The following ZNF800 variants were observed in gnomAD, a reference collection of about 807,000 sequenced individuals.
ZNF800 encodes the protein zinc finger protein 800.
ZNF800 carries 13 observed loss-of-function variants against 59.5 expected under a neutral mutation model. The observed-to-expected ratio is 0.22, with a 90% CI of 0.14 to 0.35. The LOEUF is 0.35. ZNF800 is among the 10% of genes least tolerant of loss of function. ZNF800 has a pLI of 1.00. For missense variants in ZNF800, 621 were observed against 783.7 expected (o/e 0.79, Z 2.48); for synonymous variants, 266 against 265.7 (o/e 1.00, Z -0.01).
chr7:127,353,571 T>A (rs964681698), intron 1 of ZNF800, among the ~76,000 whole-genome samples: 2 of 152,214 alleles, frequency 1.3e-5, no homozygotes, highest in African/African-American at 4.8e-5. Flanking sequence ...CTAATAGTAT[T>A]TTCAGACAGA....
rs955163136 is a variant in ZNF800 at position 127,392,110 on chromosome 7, G to A, written c.-109C>T. On this transcript the variant is annotated 5_prime_UTR_variant, in exon 1 of 6. Coordinates refer to ENST00000265827, the MANE Select transcript of ZNF800 (RefSeq NM_176814.5). Reference sequence around the variant, plus strand: ...CGGGCGGAAGGAAGGAAGGCAGGCCGGGCGGCCGCGGGGACAGCCTGGCGT... The same window carrying A: ...CGGGCGGAAGGAAGGAAGGCAGGCCAGGCGGCCGCGGGGACAGCCTGGCGT... 8.6e-5 allele frequency: 34 copies of A among 393,066 alleles called. No individual in the cohort carries two copies. The highest frequency in any genetic ancestry group is 5.8e-4 in the African/African-American group (28 of 48,338). The allele number at this position is 393,066 out of a possible 1,614,324, so 24.3% of individuals were successfully genotyped here. A position where few individuals can be genotyped will look rare whatever the true frequency, so the allele number is the denominator to read the frequency against.
chr7:127,372,884 C>T (rs1235981727), intron 5 of ZNF800: 3 of 985,184 alleles, frequency 3.0e-6, no homozygotes, highest in Non-Finnish European at 3.6e-6. Context: ...ATTACAGTGC[C>T]TCAAAAGATT....
At chr7:127,379,844 A>G (rs868527005) in intron 3 of ZNF800, among the ~76,000 whole-genome samples, 1 of 13,934 alleles carries the variant, frequency 7.2e-5, no homozygotes, top group Admixed American at 8.1e-4. Context: ...CCACCCCCCC[A>G]CCCCCCCACC....
rs1396974769 is a variant in ZNF800, at chr7:127,348,404, G to GA, written n.225-362dup. 7.1e-3 allele frequency among the ~76,000 whole-genome samples: 382 copies of GA among 53,618 alleles called. 3 individuals are homozygous for GA. The highest frequency in any genetic ancestry group is 0.038 in the Middle Eastern group (3 of 78). The allele number at this position is 53,618 out of a possible 152,430, so 35.2% of individuals were successfully genotyped here. A position where few individuals can be genotyped will look rare whatever the true frequency, so the allele number is the denominator to read the frequency against. On this transcript the variant is annotated intron_variant and non_coding_transcript_variant, in intron 1 of 1. Transcript: ENST00000485577. Reference sequence around the variant, plus strand: ...GGTGTTCAGTGCAGTATCTATAATAGAAAAAAAAAATGCCAGAAAAAAATG... The same window carrying GA: ...GGTGTTCAGTGCAGTATCTATAATAGAAAAAAAAAAATGCCAGAAAAAAATG...
intron 5 of ZNF800, chr7:127,372,797 A>G: frequency 1.0e-6 from 1 of 985,324 alleles, no homozygotes; most frequent in South Asian, 4.7e-5. Flanking sequence ...AATGCTAATC[A>G]TTTTTAATTC....
Position 127,391,582 on chromosome 7 carries a change from C to T in ZNF800, c.-25G>A, listed in dbSNP as rs200317608. 5 of 1,611,824 alleles carry T rather than the reference C, an allele frequency of 3.1e-6. No homozygotes were observed. The highest frequency in any genetic ancestry group is 3.4e-6 in the Non-Finnish European group (4 of 1,177,896). ...TTTTCAGTGGACTCGACCTACTTTG[C>T]TTTCACTGTAAGAAGCTCTTCATTG... On this transcript the variant is annotated 5_prime_UTR_variant, in exon 2 of 6. Transcript: ENST00000265827.
chr7:127,381,439 AATAT>A (rs35499163), intron 3 of ZNF800, among the ~76,000 whole-genome samples: 12 of 151,294 alleles, frequency 7.9e-5, no homozygotes, highest in African/African-American at 2.2e-4. Context: ...GGGCTGGTTA[AATAT>A]ATATATATGT....
chr7:127,387,854 G>A (rs928142180), intron 2 of ZNF800, among the ~76,000 whole-genome samples: 1 of 151,356 alleles, frequency 6.6e-6, no homozygotes, highest in Non-Finnish European at 1.5e-5. Context: ...CAGCAAAACT[G>A]ACTCAAAATA....
At chr7:127,386,033 G>C (rs377471165) in intron 3 of ZNF800, 27 bp downstream of exon 3, 25 of 1,541,772 alleles carry the variant, frequency 1.6e-5, no homozygotes, top group Non-Finnish European at 2.1e-5. Flanking sequence ...TGTGAAGATT[G>C]AAAAATATAT....
chr7:127,361,549 CT>C (rs1800393626), intron 1 of ZNF800: 1 of 152,040 alleles, frequency 6.6e-6, no homozygotes, highest in African/African-American at 2.4e-5. Context: ...CCACTATGTA[CT>C]TCATCCTGAG....
downstream of ZNF800, among the ~76,000 whole-genome samples, chr7:127,366,851 G>A (rs945951072): frequency 3.3e-5 from 5 of 152,028 alleles, no homozygotes; most frequent in Non-Finnish European, 7.4e-5. Flanking sequence ...AACCTATGAA[G>A]GGGACTGACA....
intron 2 of ZNF800, among the ~76,000 whole-genome samples, chr7:127,388,144 T>C (rs1005528625): frequency 3.3e-5 from 5 of 152,134 alleles, no homozygotes; most frequent in East Asian, 1.9e-4. Context: ...TAGGGTTGTA[T>C]AGGGGTTAAA....
chr7:127,358,334 T>C (rs1800314697), intron 1 of ZNF800, among the ~76,000 whole-genome samples: 1 of 151,936 alleles, frequency 6.6e-6, no homozygotes, highest in Admixed American at 6.6e-5. Flanking sequence ...TTATTTCACC[T>C]GTATCCTTTT....
At position 127,377,439 on chromosome 7, in the gene ZNF800, C is replaced by T; in HGVS notation, c.158-110G>A. 1.2e-6 allele frequency: 1 copy of T among 827,024 alleles called. No individual in the cohort carries two copies. The highest frequency in any genetic ancestry group is 1.8e-6 in the Non-Finnish European group (1 of 552,150). 51.2% of individuals were successfully genotyped at this position (827,024 alleles called of 1,614,324 possible). On this transcript the variant is annotated intron_variant, in intron 3 of 5. Coordinates refer to ENST00000265827, the MANE Select transcript of ZNF800 (RefSeq NM_176814.5). This position sits in a 1 kb window ranked among gnomAD's most constrained non-coding sequence, Gnocchi z 4.7. ...CAAAAGTGCAGTTACTCTTTGAAAA[C>T]AAAATATAGGCATTGCCAATTTCCA...
chr7:127,348,092 T>G (rs1587417830), intron 1 of ZNF800: 3 of 151,658 alleles, frequency 2.0e-5, no homozygotes, highest in Admixed American at 2.0e-4. Flanking sequence ...AAGACAAAGA[T>G]ATGCGGGTTA....
At chr7:127,387,187 AG>A (rs1460410779) in intron 2 of ZNF800, among the ~76,000 whole-genome samples, 1 of 152,232 alleles carries the variant, frequency 6.6e-6, no homozygotes, top group Non-Finnish European at 1.5e-5. Flanking sequence ...TAAAGACAAC[AG>A]AAAAGGAAAA....
In ZNF800 at chr7:127,374,966, C is replaced by A. The variant is rs1292001377; in HGVS notation, c.370G>T (p.Val124Leu). ...TTAATAATATATTCTCGTTTGTCCA[C>A]ACTTGGATATATGGCTTCTAGGAGA... ...NDLLEAIYPS[V>L]DKREYIIKLE... Residue 124 changes from valine (V) to leucine (L), a missense_variant, in exon 5 of 6, where the codon GTG (valine) becomes TTG (leucine). Val to Leu is a conservative substitution (Grantham distance 32). Coordinates refer to ENST00000265827, the MANE Select transcript of ZNF800 (RefSeq NM_176814.5). The A allele has an allele frequency of 2.5e-6, 4 of 1,612,520 alleles. No homozygotes were observed. The highest frequency in any genetic ancestry group is 3.4e-6 in the Non-Finnish European group (4 of 1,179,464).
At chr7:127,363,235 G>C (rs1280185102) in intron 1 of ZNF800, 1 of 151,970 alleles carries the variant, frequency 6.6e-6, no homozygotes. Flanking sequence ...GAAAACAAAT[G>C]GTCTTATAAT....
intron 1 of ZNF800, among the ~76,000 whole-genome samples, chr7:127,356,271 A>ATG (rs58534362): frequency 0.33 from 49,330 of 150,694 alleles, 9,201 homozygotes; most frequent in East Asian, 0.74. Context: ...GTGTGTGTGT[A>ATG]TGTGTGTGTG....
Sources: gnomAD v4.1 joint callset for allele counts (sites outside exome capture counted in the v4.1 genomes callset) on GRCh38, gnomAD v4.1.1 for gene constraint, Gnocchi (gnomAD v3.1) non-coding constraint, MANE v1.5 for transcripts, NCBI Gene and HGNC (gene_info 2026-07-23, HGNC 2026-07-21) for gene names.